Variants in RCBTB1 observed in about 807,000 individuals in gnomAD.
RCBTB1 encodes the protein RCC1 and BTB domain containing protein 1, also known as RCC1 and BTB domain-containing protein 1.
In RCBTB1, 46 loss-of-function variants were observed where a neutral mutation model predicts 62.4. The ratio of observed to expected loss-of-function variants is 0.74; its 90% CI spans 0.58 to 0.94. The LOEUF (loss-of-function observed/expected upper bound fraction) is 0.94. Ranked by LOEUF, RCBTB1 falls within the 40% of genes least tolerant of loss-of-function variation. RCBTB1 has a pLI of 0.00. For synonymous variants in RCBTB1, 222 were observed against 245.8 expected (o/e 0.90, Z 0.91); for missense variants, 565 against 654.9 (o/e 0.86, Z 1.50).
intron 6 of RCBTB1, 135 bp downstream of exon 6, chr13:49,555,379 TA>T (rs931564520): frequency 2.6e-5 from 19 of 732,334 alleles, no homozygotes; most frequent in Non-Finnish European, 4.4e-5. Flanking sequence ...CCTCAGTCAG[TA>T]ATCAGTTAAC....
At chr13:49,576,915 AG>A (rs1175626928) in intron 2 of RCBTB1, among the ~76,000 whole-genome samples, 1 of 152,140 alleles carries the variant, frequency 6.6e-6, no homozygotes, top group Non-Finnish European at 1.5e-5. Flanking sequence ...ATGCAAGCAG[AG>A]GTAGAAAGAG....
At chr13:49,581,687 C>G (rs1205792391) in intron 1 of RCBTB1, among the ~76,000 whole-genome samples, 1 of 152,134 alleles carries the variant, frequency 6.6e-6, no homozygotes, top group Non-Finnish European at 1.5e-5. Flanking sequence ...CTAGAAGGGA[C>G]TGTGAAGGAA....
intron 9 of RCBTB1, chr13:49,546,288 T>G: frequency 1.0e-6 from 1 of 985,160 alleles, no homozygotes; most frequent in South Asian, 4.7e-5. Context: ...GAATTCACCA[T>G]GTGACTTTCC....
At chr13:49,545,122 G>A (rs1037000184) in intron 9 of RCBTB1, among the ~76,000 whole-genome samples, 7 of 152,028 alleles carry the variant, frequency 4.6e-5, no homozygotes, top group Non-Finnish European at 1.0e-4. Context: ...CATTAGAAAT[G>A]TATATTTTTA....
At chr13:49,575,435 A>C (rs1194819247) in intron 2 of RCBTB1, among the ~76,000 whole-genome samples, 4 of 51,724 alleles carry the variant, frequency 7.7e-5, no homozygotes, top group Non-Finnish European at 1.3e-4. Context: ...TTGTTCTACC[A>C]AAAAAAAAAA....
rs148498959 is a variant in RCBTB1, at chr13:49,566,924, T to C, written c.127-156A>G. ...AAGAAAAATTCAACCTCTGTGGACA[T>C]TGCTTACGTTTCAGAATGTTTGTCT... On this transcript the variant is annotated intron_variant, in intron 3 of 12. Coordinates refer to ENST00000378302, the MANE Select transcript of RCBTB1 (RefSeq NM_018191.4). Among the ~76,000 whole-genome samples the C allele has an allele frequency of 1.6e-3, 241 of 152,294 alleles. 2 individuals are homozygous for C. The highest frequency in any genetic ancestry group is 5.3e-3 in the African/African-American group (221 of 41,556).
At chr13:49,546,828 G>C (rs558925265) in intron 9 of RCBTB1, 23 of 371,518 alleles carry the variant, frequency 6.2e-5, no homozygotes, top group Non-Finnish European at 8.5e-5. Flanking sequence ...TTCGCTCACT[G>C]CCACTCACCT....
At chr13:49,584,736 A>G (rs532105648) in intron 1 of RCBTB1, among the ~76,000 whole-genome samples, 1 of 152,354 alleles carries the variant, frequency 6.6e-6, no homozygotes, top group African/African-American at 2.4e-5. Context: ...AGACTGCTTT[A>G]TAAAATTGTA....
intron 1 of RCBTB1, among the ~76,000 whole-genome samples, chr13:49,582,685 C>T (rs562671130): frequency 4.6e-5 from 7 of 152,270 alleles, no homozygotes; most frequent in Admixed American, 3.3e-4. Flanking sequence ...TTTTACATGC[C>T]CACCGGCAAT....
chr13:49,537,522 C>G (rs190142426), intron 12 of RCBTB1, among the ~76,000 whole-genome samples: 15 of 152,182 alleles, frequency 9.9e-5, no homozygotes, highest in Non-Finnish European at 2.1e-4. Flanking sequence ...CCTGGGCTCA[C>G]GTTTATCGCT....
At chr13:49,549,761 T>C in intron 8 of RCBTB1, 113 bp from the exon 9 acceptor site, 1 of 1,454,748 alleles carries the variant, frequency 6.9e-7, no homozygotes, top group South Asian at 1.5e-5. Flanking sequence ...ACAGTCCAAG[T>C]TCCAGGGACA....
intron 10 of RCBTB1, among the ~76,000 whole-genome samples, chr13:49,542,064 A>C (rs1397191524): frequency 6.6e-6 from 1 of 151,972 alleles, no homozygotes; most frequent in Non-Finnish European, 1.5e-5. Flanking sequence ...AAAATACAAA[A>C]TTAGCTGGGC....
intron 9 of RCBTB1, chr13:49,546,377 A>G: frequency 1.0e-6 from 1 of 985,052 alleles, no homozygotes; most frequent in African/African-American, 1.7e-5. Context: ...GAAAGAAGTT[A>G]TCTAGGACAG....
Position 49,551,360 on chromosome 13 carries a change from G to C in RCBTB1, c.820C>G (p.Leu274Val). 1 of 1,614,238 alleles carries C rather than the reference G, an allele frequency of 6.2e-7. No homozygotes were observed. The highest frequency in any genetic ancestry group is 2.2e-5 in the East Asian group (1 of 44,884). ...TCCACCATGATGTGTGCTGGGCTTA[G>C]CAGGTTATTTTTATTGCCAGTTCCC... ...QLGTGNKNNL[L>V]SPAHIMVEKE... is the part of the protein sequence containing the mutation. Residue 274 changes from leucine (L) to valine (V), a missense_variant, in exon 8 of 13, where the codon CTA becomes GTA. By Grantham distance (32) the Leu-to-Val change is conservative. Transcript: ENST00000378302.
At position 49,540,952 on chromosome 13, in the gene RCBTB1, T is replaced by C; in HGVS notation, c.1379A>G (p.Gln460Arg). 6.2e-7 allele frequency: 1 copy of C among 1,613,722 alleles called. No homozygotes were observed. The highest frequency in any genetic ancestry group is 8.5e-7 in the Non-Finnish European group (1 of 1,180,004). ...YCENRLKKLC[Q>R]HIIKRGITVE... is the part of the protein sequence containing the mutation. ...AGTAATTCCTCTCTTGATAATGTGC[T>C]GACAAAGTTTTTTCAGTCTGTTTTC... Residue 460 changes from glutamine to arginine, a missense_variant, in exon 12 of 13, where the codon CAG (glutamine) becomes CGG (arginine). By Grantham distance (43) the Gln-to-Arg change is conservative (BLOSUM62 1). Coordinates refer to ENST00000378302, the MANE Select transcript of RCBTB1 (RefSeq NM_018191.4).
intron 4 of RCBTB1, among the ~76,000 whole-genome samples, chr13:49,563,217 T>C (rs1324912110): frequency 5.3e-5 from 8 of 150,998 alleles, no homozygotes; most frequent in African/African-American, 1.7e-4. Flanking sequence ...CTAGGCAACA[T>C]GGTGAGACCT....
At chr13:49,543,745 G>C (rs1244691778) in intron 10 of RCBTB1, among the ~76,000 whole-genome samples, 2 of 152,064 alleles carry the variant, frequency 1.3e-5, no homozygotes, top group Non-Finnish European at 2.9e-5. Flanking sequence ...CTGTCTCCCA[G>C]GATGATCACA....
At chr13:49,562,626 G>C (rs900078307) in intron 4 of RCBTB1, among the ~76,000 whole-genome samples, 1 of 151,612 alleles carries the variant, frequency 6.6e-6, no homozygotes, top group Non-Finnish European at 1.5e-5. Context: ...TTTGAGATGG[G>C]GTCTCACTCT....
At chr13:49,569,261 T>C (rs1397150755) in intron 2 of RCBTB1, among the ~76,000 whole-genome samples, 1 of 152,170 alleles carries the variant, frequency 6.6e-6, no homozygotes, top group South Asian at 2.1e-4. Context: ...GGTAAGATGA[T>C]CTTAAATGCT....
Sources: allele counts gnomAD v4.1 joint callset (sites outside exome capture counted in the v4.1 genomes callset), GRCh38; gene constraint gnomAD v4.1.1; transcripts MANE v1.5; gene names NCBI Gene and HGNC (gene_info 2026-07-23, HGNC 2026-07-21).